Variants in TEX2 observed in about 807,000 individuals in gnomAD.
The protein encoded by TEX2 is testis-expressed protein 2.
TEX2 carries 53 observed loss-of-function variants against 106.9 expected under a neutral mutation model. The observed-to-expected ratio is 0.50, with a 90% CI of 0.40 to 0.62. TEX2 has a LOEUF of 0.62. Among genes scored for constraint, TEX2 ranks in the 20% least tolerant of loss-of-function variants. The pLI, the probability that TEX2 is intolerant of heterozygous loss-of-function variation, is 0.00. For missense variants in TEX2, 1,207 were observed against 1,379.0 expected, an observed-to-expected ratio of 0.88 and a Z score of 1.98; for synonymous variants, 523 against 534.8, an observed-to-expected ratio of 0.98 and a Z score of 0.30.
Position 64,213,945 on chromosome 17 carries a change from C to T in TEX2, c.273G>A (p.Ser91=), listed in dbSNP as rs149604196. ...VGHDPAGPAA[S]PVLADGLSVS... ...CGGACAGTCCATCTGCCAGGACAGG[C>T]GAGGCAGCAGGGCCGGCGGGGTCAT... is the stretch of plus-strand genomic sequence containing the variant. Residue 91 remains serine (S), a synonymous_variant, in exon 2 of 12, where the codon TCG becomes TCA. Coordinates refer to ENST00000584379, the MANE Select transcript of TEX2 (RefSeq NM_001288732.2). The surrounding 1 kb of genome is among the most constrained non-coding windows in gnomAD (Gnocchi z 4.4). 942 of 1,614,136 alleles carry T rather than the reference C, an allele frequency of 5.8e-4. 17 individuals are homozygous for T. The South Asian group carries it at 8.1e-3, about 14-fold the overall frequency.
chr17:64,227,098 C>T (rs1381624509), intron 1 of TEX2, among the ~76,000 whole-genome samples: 5 of 151,830 alleles, frequency 3.3e-5, no homozygotes, highest in Admixed American at 6.6e-5. Context: ...TGGCGGTGCG[C>T]GCCTGTAGTC....
chr17:64,242,657 A>G (rs2033909305), intron 1 of TEX2, among the ~76,000 whole-genome samples: 1 of 152,184 alleles, frequency 6.6e-6, no homozygotes, highest in Non-Finnish European at 1.5e-5. Flanking sequence ...CCTGTGAGAA[A>G]GTACAGCAAA....
At chr17:64,222,473 G>A (rs576570264) in intron 1 of TEX2, among the ~76,000 whole-genome samples, 5 of 147,142 alleles carry the variant, frequency 3.4e-5, no homozygotes, top group South Asian at 2.1e-4. Context: ...AGCTGAGATC[G>A]CGCCACTGCA....
intron 1 of TEX2, among the ~76,000 whole-genome samples, chr17:64,240,015 A>T (rs972624859): frequency 6.6e-6 from 1 of 152,038 alleles, no homozygotes; most frequent in Non-Finnish European, 1.5e-5. Context: ...GCTAACAGGA[A>T]ATATTACAAG....
intron 1 of TEX2, among the ~76,000 whole-genome samples, chr17:64,260,073 T>C (rs1233699635): frequency 6.6e-6 from 1 of 152,184 alleles, no homozygotes; most frequent in East Asian, 1.9e-4. Flanking sequence ...ACAGACCCAG[T>C]CAGTCCAGTC....
Position 64,212,775 on chromosome 17 carries a change from C to A in TEX2, c.1443G>T (p.Met481Ile). The A allele has an allele frequency of 6.2e-7, 1 of 1,614,160 alleles. No individual in the cohort carries two copies. Residue 481 changes from methionine (M) to isoleucine (I), a missense_variant, in exon 2 of 12, where the codon ATG (methionine) becomes ATT (isoleucine). Around this residue, in one of 3 missense-constraint regions of TEX2, gnomAD observed 1,067 missense variants for 1,193.6 expected, o/e 0.89. Transcript: ENST00000584379. ...GGAGGATGAGGTACACATAGACACA[C>A]ATTATAAAGAAGCCCAACGTCTTCA... ...LPVKTLGFFIMCVYVYLILPL... is the reference protein window; with the variant it reads ...LPVKTLGFFIICVYVYLILPL...
chr17:64,187,780 A>AT (rs1432348086), intron 5 of TEX2, among the ~76,000 whole-genome samples: 2 of 151,992 alleles, frequency 1.3e-5, no homozygotes, highest in African/African-American at 2.4e-5. Flanking sequence ...ACCCATCACC[A>AT]TGGCTCACTC....
chr17:64,221,708 G>A (rs2033364625), intron 1 of TEX2, among the ~76,000 whole-genome samples: 1 of 152,132 alleles, frequency 6.6e-6, no homozygotes, highest in South Asian at 2.1e-4. Context: ...TGAAAGCAGG[G>A]TCTCAAAAAG....
chr17:64,193,464 C>CG, intron 4 of TEX2, 95 bp downstream of exon 4: 2 of 505,482 alleles, frequency 4.0e-6, no homozygotes, highest in Non-Finnish European at 5.6e-6. Context: ...TCAGGGTGGG[C>CG]TTCCTTCCTT....
intron 6 of TEX2, among the ~76,000 whole-genome samples, chr17:64,175,495 C>T (rs889888149): frequency 3.9e-5 from 6 of 152,264 alleles, no homozygotes; most frequent in East Asian, 1.9e-4. Flanking sequence ...TCCAGGAGGA[C>T]GGGGGCACCT....
chr17:64,241,036 C>T (rs1443985797), intron 1 of TEX2, among the ~76,000 whole-genome samples: 3 of 152,242 alleles, frequency 2.0e-5, no homozygotes, highest in African/African-American at 7.2e-5. Flanking sequence ...CTCAGGCCAA[C>T]AGCCGCAATC....
At chr17:64,157,206 CACTT>C (rs886606899) in intron 8 of TEX2, among the ~76,000 whole-genome samples, 2 of 152,194 alleles carry the variant, frequency 1.3e-5, no homozygotes, top group Non-Finnish European at 2.9e-5. Flanking sequence ...AGATACACCA[CACTT>C]ACTTGTAGAA....
chr17:64,241,685 G>A (rs2033891721), intron 1 of TEX2, among the ~76,000 whole-genome samples: 1 of 151,946 alleles, frequency 6.6e-6, no homozygotes, highest in South Asian at 2.1e-4. Context: ...CCAGGCTGGA[G>A]TGCACTCGTG....
At position 64,160,841 on chromosome 17, in the gene TEX2, G is replaced by A. The variant is rs767684601; in HGVS notation, c.2764C>T (p.Leu922Phe). ...MNLTKLGKEP[L>F]VEALKVGEIG... is the part of the protein sequence containing the mutation. ...TCTCCAACCTTCAGGGCTTCAACAA[G>A]AGGCTCTTTACCTAGTTTGGTCAAA... Residue 922 changes from leucine to phenylalanine, a missense_variant, in exon 8 of 12, where the codon CTT (leucine) becomes TTT (phenylalanine). Physicochemically the swap from Leu to Phe is conservative, Grantham distance 22. Transcript: ENST00000584379. 2 of 1,613,956 alleles carry A rather than the reference G, an allele frequency of 1.2e-6. No homozygotes were observed. The highest frequency in any genetic ancestry group is 2.7e-5 in the African/African-American group (2 of 74,882).
rs1567940042 is a variant in TEX2 at position 64,205,916 on chromosome 17, C to A, written c.1644+6658G>T. 6.6e-6 allele frequency among the ~76,000 whole-genome samples: 1 copy of A among 152,230 alleles called. No homozygotes were observed. Reference sequence around the variant, plus strand: ...TGTGTTCTGCTGGTGGTTTATAAATCTGAGATAAAGAATTTGCTCGTGAAT... The same window carrying A: ...TGTGTTCTGCTGGTGGTTTATAAATATGAGATAAAGAATTTGCTCGTGAAT... On this transcript the variant is annotated intron_variant, in intron 2 of 11. Transcript: ENST00000584379. The surrounding 1 kb of genome is among the most constrained non-coding windows in gnomAD (Gnocchi z 4.0).
At chr17:64,219,872 T>C (rs1287153511) in intron 1 of TEX2, among the ~76,000 whole-genome samples, 4 of 152,188 alleles carry the variant, frequency 2.6e-5, no homozygotes, top group Non-Finnish European at 1.5e-5. Context: ...CACATCCTAG[T>C]CCCTAAAACC....
At chr17:64,211,460 T>C (rs957835291) in intron 2 of TEX2, among the ~76,000 whole-genome samples, 1 of 152,128 alleles carries the variant, frequency 6.6e-6, no homozygotes, top group South Asian at 2.1e-4. Context: ...CAGCCCTCTA[T>C]ATCCATGGAT....
rs1349687794 is a variant in TEX2 at position 64,213,192 on chromosome 17, G to T, written c.1026C>A (p.Asn342Lys). 1.2e-6 allele frequency: 2 copies of T among 1,614,156 alleles called. No individual in the cohort carries two copies. The highest frequency in any genetic ancestry group is 1.6e-4 in the Middle Eastern group (1 of 6,062). The part of the protein sequence containing the change: ...SSLNGHLESN[N>K]NYSIKEEECD... The stretch of plus-strand genomic sequence containing the variant: ...ACTCCTCCTCCTTGATGCTGTAGTT[G>T]TTATTGCTTTCCAAGTGCCCATTCA... Residue 342 changes from asparagine (N) to lysine (K), a missense_variant, in exon 2 of 12, where the codon AAC (asparagine) becomes AAA (lysine). Asn to Lys is a moderately conservative substitution (Grantham distance 94). Transcript: ENST00000584379. This position sits in a 1 kb window ranked among gnomAD's most constrained non-coding sequence, Gnocchi z 4.4.
intron 7 of TEX2, among the ~76,000 whole-genome samples, chr17:64,163,286 G>A (rs1052505711): frequency 6.6e-6 from 1 of 151,790 alleles, no homozygotes; most frequent in East Asian, 1.9e-4. Context: ...CACCATGCCC[G>A]GCTAACATAT....
Sources: allele counts gnomAD v4.1 joint callset (sites outside exome capture counted in the v4.1 genomes callset), GRCh38; gene constraint gnomAD v4.1.1; regional missense constraint gnomAD v4.1.1; non-coding constraint Gnocchi (gnomAD v3.1); transcripts MANE v1.5; gene names NCBI Gene and HGNC (gene_info 2026-07-23, HGNC 2026-07-21).